NSRP1: variants seen among roughly 807,000 people sequenced by gnomAD.
NSRP1 encodes coiled-coil domain containing 55.
Under a neutral mutation model 54.7 loss-of-function variants are expected in NSRP1, and 24 were observed. The ratio of observed to expected loss-of-function variants is 0.44; its 90% CI spans 0.32 to 0.62. NSRP1 has a LOEUF of 0.62. NSRP1 is among the 20% of genes least tolerant of loss of function. NSRP1 has a pLI of 0.06. For synonymous variants in NSRP1, 210 were observed against 213.8 expected (o/e 0.98, Z 0.15); for missense variants, 596 against 651.2 (o/e 0.92, Z 0.92).
At position 30,118,133 on chromosome 17, in the gene NSRP1, A is replaced by AT; in HGVS notation, c.74_75insT (p.Lys25AsnfsTer8). ...CAGCAGTTGCACCCTGTTTTGCAAA[A>AT]ACCATCAGTGTTTGGGAATGATTCT... On this transcript the variant is annotated frameshift_variant, in exon 2 of 7. Transcript: ENST00000247026. LOFTEE classifies it high-confidence loss of function. The AT allele has an allele frequency of 6.2e-7, 1 of 1,614,032 alleles. No individual in the cohort carries two copies. Among genetic ancestry groups the AT allele is most frequent in the Non-Finnish European group, 8.5e-7 (1 of 1,179,952 alleles).
Position 30,184,883 on chromosome 17 carries a change from A to G in NSRP1, c.886A>G (p.Arg296Gly), listed in dbSNP as rs1213273778. 6.2e-7 allele frequency: 1 copy of G among 1,614,162 alleles called. No homozygotes were observed. Among genetic ancestry groups the G allele is most frequent in the Non-Finnish European group, 8.5e-7 (1 of 1,180,024 alleles). ...CCACTCTCGGTCACCTAGTGAAGAA[A>G]GAGGGCACAGTACCAGGCACCACAC... ...QNHSRSPSEE[R>G]GHSTRHHTKG... Residue 296 changes from arginine (R) to glycine (G), a missense_variant, in exon 7 of 7, where the codon AGA (arginine) becomes GGA (glycine). Physicochemically the swap from Arg to Gly is moderately radical, Grantham distance 125. Coordinates refer to ENST00000247026, the MANE Select transcript of NSRP1 (RefSeq NM_032141.4).
rs774060605 is a variant in NSRP1 at position 30,185,372 on chromosome 17, A to C, written c.1375A>C (p.Asn459His). The change falls in exon 7 of 7, where the codon AAT (asparagine) becomes CAT (histidine). Residue 459 changes from asparagine (N) to histidine (H), a missense_variant. By Grantham distance (68) the Asn-to-His change is moderately conservative. Transcript: ENST00000247026. ...TCAAGACAGAAAGGAAAGCAGCCCA[A>C]ATTCTAGGGCAAAGGATAAATTTCT... Reference protein sequence around the residue: ...RNQDRKESSPNSRAKDKFLDQ... With the variant: ...RNQDRKESSPHSRAKDKFLDQ... 5.6e-6 allele frequency: 9 copies of C among 1,612,716 alleles called. No homozygotes were observed. In the African/African-American group the frequency reaches 9.3e-5, roughly 17 times the overall value.
At chr17:30,162,757 A>AAT (rs1464325500) in intron 2 of NSRP1, among the ~76,000 whole-genome samples, 2 of 152,200 alleles carry the variant, frequency 1.3e-5, no homozygotes, top group Admixed American at 6.6e-5. Flanking sequence ...TTTGTGTTAA[A>AAT]ATAAATTTAT....
Position 30,185,389 on chromosome 17 carries a change from T to G in NSRP1, c.1392T>G (p.Asp464Glu). The G allele has an allele frequency of 6.2e-7, 1 of 1,612,290 alleles. No homozygotes were observed. The highest frequency in any genetic ancestry group is 8.5e-7 in the Non-Finnish European group (1 of 1,179,614). ...KESSPNSRAK[D>E]KFLDQERSNK... ...GCAGCCCAAATTCTAGGGCAAAGGA[T>G]AAATTTCTTGACCAAGAAAGATCCA... Residue 464 changes from aspartate to glutamate, a missense_variant, in exon 7 of 7, where the codon GAT (aspartate) becomes GAG (glutamate). Asp to Glu is a conservative substitution (Grantham distance 45, BLOSUM62 2). Transcript: ENST00000247026.
At chr17:30,165,851 A>G (rs1904713000) in intron 2 of NSRP1, among the ~76,000 whole-genome samples, 1 of 152,248 alleles carries the variant, frequency 6.6e-6, no homozygotes, top group South Asian at 2.1e-4. Flanking sequence ...AATATTCAGC[A>G]GAATAGATTT....
chr17:30,176,606 TCC>T (rs1555583104), intron 3 of NSRP1, among the ~76,000 whole-genome samples: 20 of 81,542 alleles, frequency 2.5e-4, no homozygotes, highest in African/African-American at 6.6e-4. Flanking sequence ...CAAGACTTCG[TCC>T]CCCCCCCCCC....
chr17:30,119,801 C>A (rs2071581103), intron 2 of NSRP1, among the ~76,000 whole-genome samples: 1 of 152,160 alleles, frequency 6.6e-6, no homozygotes, highest in Non-Finnish European at 1.5e-5. Context: ...CTGTGCCTGA[C>A]CGGTTTTCAG....
In NSRP1 at chr17:30,172,559, C is replaced by T. The variant is rs1340256546; in HGVS notation, c.132C>T (p.Ser44=). 6.2e-7 allele frequency: 1 copy of T among 1,609,596 alleles called. No homozygotes were observed. Among genetic ancestry groups the T allele is most frequent in the South Asian group, 1.1e-5 (1 of 90,570 alleles). The part of the protein sequence containing the change: ...DDDDETSVSE[S]LQREAAKKQA... ...TTTTACAGACCTCTGTGAGTGAAAG[C>T]CTTCAGAGGGAAGCTGCTAAGAAGC... The change falls in exon 3 of 7, where the codon AGC becomes AGT. Residue 44 remains serine, a synonymous_variant. Coordinates refer to ENST00000247026, the MANE Select transcript of NSRP1 (RefSeq NM_032141.4).
intron 2 of NSRP1, among the ~76,000 whole-genome samples, chr17:30,147,741 G>T (rs1030528684): frequency 2.0e-5 from 3 of 151,838 alleles, no homozygotes; most frequent in African/African-American, 7.3e-5. Context: ...GGGATTACAG[G>T]TGTGAGCCAG....
chr17:30,134,269 C>T (rs1231191604), intron 2 of NSRP1, among the ~76,000 whole-genome samples: 1 of 152,214 alleles, frequency 6.6e-6, no homozygotes, highest in African/African-American at 2.4e-5. Context: ...TTAATAACAC[C>T]AAAGATTGTT....
chr17:30,137,475 A>C (rs1238799032), intron 2 of NSRP1, among the ~76,000 whole-genome samples: 1 of 152,230 alleles, frequency 6.6e-6, no homozygotes, highest in Non-Finnish European at 1.5e-5. Context: ...CCATATGAAC[A>C]ATATGTTGCA....
chr17:30,128,172 TTA>T (rs1045085868), intron 2 of NSRP1: 27 of 174,672 alleles, frequency 1.5e-4, no homozygotes, highest in Non-Finnish European at 2.7e-4. Context: ...GTATATGTAG[TTA>T]TATATATATA....
At chr17:30,135,113 A>C (rs73276840) in intron 2 of NSRP1, among the ~76,000 whole-genome samples, 12,839 of 151,424 alleles carry the variant, frequency 0.085, 1,706 homozygotes, top group African/African-American at 0.29. Flanking sequence ...TAATTGTTTT[A>C]TTTCTTTCTT....
chr17:30,131,661 G>C (rs1260336390), intron 2 of NSRP1, among the ~76,000 whole-genome samples: 1 of 152,162 alleles, frequency 6.6e-6, no homozygotes, highest in Non-Finnish European at 1.5e-5. Context: ...TTGTCTCAAT[G>C]TTAATGGCTG....
At chr17:30,155,271 C>T (rs2071950975) in intron 2 of NSRP1, among the ~76,000 whole-genome samples, 1 of 152,030 alleles carries the variant, frequency 6.6e-6, no homozygotes, top group Non-Finnish European at 1.5e-5. Flanking sequence ...TATAGGTGAC[C>T]TACTCTTCCT....
intron 2 of NSRP1, among the ~76,000 whole-genome samples, chr17:30,142,068 T>C (rs1322669079): frequency 1.3e-5 from 2 of 152,188 alleles, no homozygotes; most frequent in Admixed American, 1.3e-4. Context: ...TGTAGTTTCT[T>C]CCACTCCCTA....
chr17:30,140,553 G>A (rs1276938922), intron 2 of NSRP1, among the ~76,000 whole-genome samples: 1 of 118,234 alleles, frequency 8.5e-6, no homozygotes, highest in Non-Finnish European at 1.6e-5. Flanking sequence ...TTTTGAGATG[G>A]AGTCTTGCTG....
chr17:30,142,102 C>G (rs977029231), intron 2 of NSRP1, among the ~76,000 whole-genome samples: 4 of 152,174 alleles, frequency 2.6e-5, no homozygotes, highest in African/African-American at 9.7e-5. Flanking sequence ...GGCTGTGTAT[C>G]TCTACCTTGC....
At chr17:30,159,970 T>C (rs535414210) in intron 2 of NSRP1, among the ~76,000 whole-genome samples, 3 of 152,250 alleles carry the variant, frequency 2.0e-5, no homozygotes, top group South Asian at 4.1e-4. Context: ...CCAAGGTATG[T>C]TTTTTCTGTG....
Sources: allele counts gnomAD v4.1 joint callset (sites outside exome capture counted in the v4.1 genomes callset), GRCh38; gene constraint gnomAD v4.1.1; transcripts MANE v1.5; gene names NCBI Gene and HGNC (gene_info 2026-07-23, HGNC 2026-07-21).